WASF2: variants seen among roughly 807,000 people sequenced by gnomAD.
WASF2 encodes WASP family member 2, also known as actin-binding protein WASF2.
WASF2 carries 14 observed loss-of-function variants against 45.0 expected under a neutral mutation model. That is an observed-to-expected ratio of 0.31 (90% CI 0.21 to 0.49). WASF2 has a LOEUF of 0.49. Ranked by LOEUF, WASF2 falls within the 20% of genes least tolerant of loss-of-function variation. WASF2 has a pLI of 0.99. For synonymous variants in WASF2, 200 were observed against 236.3 expected (o/e 0.85, Z 1.41); for missense variants, 439 against 636.1 (o/e 0.69, Z 3.33).
intron 1 of WASF2, among the ~76,000 whole-genome samples, chr1:27,434,899 G>T (rs1278196352): frequency 6.6e-6 from 1 of 152,122 alleles, no homozygotes; most frequent in Non-Finnish European, 1.5e-5. Context: ...GCCCTTTAAG[G>T]TCCCCTCAAA....
At chr1:27,476,064 C>T (rs2017761642) in intron 1 of WASF2, among the ~76,000 whole-genome samples, 2 of 152,204 alleles carry the variant, frequency 1.3e-5, no homozygotes, top group Non-Finnish European at 2.9e-5. Flanking sequence ...GCACTTAACA[C>T]ATCTGTTGAA....
chr1:27,442,615 C>G (rs2017252876), intron 1 of WASF2, among the ~76,000 whole-genome samples: 1 of 151,832 alleles, frequency 6.6e-6, no homozygotes, highest in Non-Finnish European at 1.5e-5. Flanking sequence ...TCACAGCACT[C>G]TGGGAGGCTG....
intron 1 of WASF2, among the ~76,000 whole-genome samples, chr1:27,474,477 A>G (rs1360400740): frequency 4.6e-5 from 7 of 152,012 alleles, no homozygotes; most frequent in African/African-American, 1.7e-4. Flanking sequence ...CTCCATAAAA[A>G]ATAAAACAAT....
intron 1 of WASF2, among the ~76,000 whole-genome samples, chr1:27,469,872 G>A (rs2017666492): frequency 6.6e-6 from 1 of 152,104 alleles, no homozygotes; most frequent in Admixed American, 6.6e-5. Flanking sequence ...ATCCCGAGAG[G>A]CAGAAAGGTT....
chr1:27,468,982 T>C (rs902312882), intron 1 of WASF2, among the ~76,000 whole-genome samples: 6 of 151,048 alleles, frequency 4.0e-5, no homozygotes, highest in African/African-American at 1.5e-4. Context: ...TGTATCAACC[T>C]TGTCTGAAAC....
chr1:27,410,897 C>T lies in WASF2; in HGVS notation c.825-691G>A, dbSNP rs2016753015. The stretch of plus-strand genomic sequence containing the variant: ...ATTAAAGCTACACCTCTCCTGGGAT[C>T]AGATTTGCTCGGCTGCAGCTGCAAG... On this transcript the variant is annotated intron_variant, in intron 7 of 8. Transcript: ENST00000618852. The surrounding 1 kb of genome is among the most constrained non-coding windows in gnomAD (Gnocchi z 4.2). Among the ~76,000 whole-genome samples, 1 of 152,238 alleles carries T rather than the reference C, an allele frequency of 6.6e-6. No homozygotes were observed.
chr1:27,414,889 C>T lies in WASF2; in HGVS notation c.612G>A (p.Glu204=). 6.2e-7 allele frequency: 1 copy of T among 1,614,226 alleles called. No individual in the cohort carries two copies. The highest frequency in any genetic ancestry group is 1.1e-5 in the South Asian group (1 of 91,088). ...RKIKTRKEEW[E]KMKMGQEFVE... ...CAAATTCTTGCCCCATCTTCATTTT[C>T]TCCCACTCTTCCTTACGTGTCTTGA... Residue 204 remains glutamate (E), a synonymous_variant, in exon 6 of 9, where the codon GAG becomes GAA. Transcript: ENST00000618852. This position sits in a 1 kb window ranked among gnomAD's most constrained non-coding sequence, Gnocchi z 4.1.
At chr1:27,429,006 T>G in intron 1 of WASF2, 73 bp from the exon 2 acceptor site, 1 of 1,240,838 alleles carries the variant, frequency 8.1e-7, no homozygotes, top group South Asian at 1.6e-5. Flanking sequence ...TGAATCTTTT[T>G]TTTTTTTTTT....
chr1:27,418,002 TG>T (rs2016849301), intron 4 of WASF2, among the ~76,000 whole-genome samples: 1 of 152,224 alleles, frequency 6.6e-6, no homozygotes, highest in Admixed American at 6.5e-5. Context: ...CTGGCTTATA[TG>T]AAATTAAACT....
chr1:27,450,653 C>T (rs901290327), intron 1 of WASF2, among the ~76,000 whole-genome samples: 3 of 152,026 alleles, frequency 2.0e-5, no homozygotes, highest in Non-Finnish European at 2.9e-5. Flanking sequence ...GGCACGCGCC[C>T]CACGCCTGGC....
intron 1 of WASF2, among the ~76,000 whole-genome samples, chr1:27,458,689 G>T (rs570835661): frequency 6.6e-6 from 1 of 151,310 alleles, no homozygotes; most frequent in African/African-American, 2.4e-5. Context: ...GCTGCACGGG[G>T]TGCTGAGGCA....
In WASF2 at chr1:27,428,871, T is replaced by G. The variant is rs761056790; in HGVS notation, c.20A>C (p.Asn7Thr). The G allele has an allele frequency of 1.1e-5, 18 of 1,614,030 alleles. No individual in the cohort carries two copies. Among genetic ancestry groups the G allele is most frequent in the Admixed American group, 3.3e-5 (2 of 60,002 alleles). The change falls in exon 2 of 9, where the codon AAC (asparagine) becomes ACC (threonine). Residue 7 changes from asparagine (N) to threonine (T), a missense_variant. By Grantham distance (65) the Asn-to-Thr change is moderately conservative (BLOSUM62 0). Around this residue, in one of 5 missense-constraint regions of WASF2, gnomAD observed 16 missense variants for 21.1 expected, o/e 0.76. Coordinates refer to ENST00000618852, the MANE Select transcript of WASF2 (RefSeq NM_006990.5). ...ACGGCACAGGTGCCTTGGCTCGATG[T>G]TCCTCGTTACTAACGGCATGGTGGA... MPLVTRNIEPRHLCRQT... is the reference protein window; with the variant it reads MPLVTRTIEPRHLCRQT...
Position 27,428,936 on chromosome 1 carries a change from A to C in WASF2, c.-43-3T>G. 6.2e-7 allele frequency: 1 copy of C among 1,610,168 alleles called. No individual in the cohort carries two copies. The highest frequency in any genetic ancestry group is 8.5e-7 in the Non-Finnish European group (1 of 1,177,906). ...TGTTCTGAATGGTGAAAAACAACCT[A>C]AAAAAGAAATAACAGGAAAGTATTA... On this transcript the variant is annotated splice_polypyrimidine_tract_variant and splice_region_variant and intron_variant, in intron 1 of 8. Transcript: ENST00000618852.
At chr1:27,472,403 G>A (rs554042808) in intron 1 of WASF2, among the ~76,000 whole-genome samples, 75 of 151,538 alleles carry the variant, frequency 4.9e-4, no homozygotes, top group Non-Finnish European at 9.1e-4. Context: ...GGAGGCTGAG[G>A]CAGGTGGATC....
chr1:27,423,664 A>G (rs2016938195), intron 2 of WASF2, among the ~76,000 whole-genome samples: 2 of 152,248 alleles, frequency 1.3e-5, no homozygotes, highest in African/African-American at 4.8e-5. Flanking sequence ...CAGATTACCA[A>G]GACAGACCCA....
At chr1:27,485,083 G>A (rs1390701934) in intron 1 of WASF2, among the ~76,000 whole-genome samples, 2 of 152,090 alleles carry the variant, frequency 1.3e-5, no homozygotes, top group South Asian at 2.1e-4. Context: ...CCAGGAGGCA[G>A]AGGTAGCAGT....
intron 1 of WASF2, among the ~76,000 whole-genome samples, chr1:27,481,112 T>C (rs955358838): frequency 7.0e-5 from 10 of 141,850 alleles, no homozygotes; most frequent in Non-Finnish European, 1.4e-4. Flanking sequence ...CTAGCTTACA[T>C]GGTGAAACCC....
chr1:27,419,227 T>C (rs2148105058), intron 2 of WASF2, 139 bp from the exon 3 acceptor site: 7 of 850,448 alleles, frequency 8.2e-6, no homozygotes, highest in East Asian at 7.8e-5. Flanking sequence ...GTTTGGGCTA[T>C]ATGCAGATGA....
intron 1 of WASF2, among the ~76,000 whole-genome samples, chr1:27,471,239 G>A (rs2148137645): frequency 6.6e-6 from 1 of 150,964 alleles, no homozygotes; most frequent in African/African-American, 2.4e-5. Flanking sequence ...CAGCTACTTG[G>A]GAGGCTGAGG....
Sources: gnomAD v4.1 joint callset for allele counts (sites outside exome capture counted in the v4.1 genomes callset) on GRCh38, gnomAD v4.1.1 for gene constraint, gnomAD v4.1.1 regional missense constraint, Gnocchi (gnomAD v3.1) non-coding constraint, MANE v1.5 for transcripts, NCBI Gene and HGNC (gene_info 2026-07-23, HGNC 2026-07-21) for gene names.